Variants in CTCF observed in about 807,000 individuals in gnomAD.
The protein encoded by CTCF is CCCTC-binding factor.
CTCF carries 7 observed loss-of-function variants against 72.3 expected under a neutral mutation model. The observed-to-expected ratio is 0.10, with a 90% CI of 0.06 to 0.18. The LOEUF (loss-of-function observed/expected upper bound fraction) is 0.18, where lower values mean the gene tolerates loss of function less well. CTCF is among the 10% of genes least tolerant of loss of function. The pLI, the probability that CTCF is intolerant of heterozygous loss-of-function variation, is 1.00. For synonymous variants in CTCF, 374 were observed against 315.8 expected (o/e 1.18, Z -1.95); for missense variants, 516 against 949.1 (o/e 0.54, Z 6.00).
At chr16:67,575,092 C>T (rs985121834) in intron 2 of CTCF, among the ~76,000 whole-genome samples, 1 of 152,030 alleles carries the variant, frequency 6.6e-6, no homozygotes, top group Non-Finnish European at 1.5e-5. Context: ...AAAAGAATTA[C>T]ATTTTCTTTA....
chr16:67,619,242 C>A (rs551953753), intron 5 of CTCF, among the ~76,000 whole-genome samples: 46 of 152,234 alleles, frequency 3.0e-4, no homozygotes, highest in African/African-American at 1.1e-3. Flanking sequence ...TTGAGACCAG[C>A]CGGGCCAACG....
At position 67,611,264 on chromosome 16, in the gene CTCF, A is replaced by G. The variant is rs1463698053; in HGVS notation, c.432A>G (p.Lys144=). The G allele has an allele frequency of 6.2e-7, 1 of 1,614,192 alleles. No individual in the cohort carries two copies. The highest frequency in any genetic ancestry group is 8.5e-7 in the Non-Finnish European group (1 of 1,180,036). Residue 144 remains lysine (K), a synonymous_variant, in exon 3 of 12, where the codon AAA becomes AAG. Coordinates refer to ENST00000264010, the MANE Select transcript of CTCF (RefSeq NM_006565.4). ...GGGCTTATGAAAATGAAGTGTCTAA[A>G]GAGGGCCTTGCGGAAAGTGAACCCA... ...LQGAYENEVS[K]EGLAESEPMI...
intron 2 of CTCF, among the ~76,000 whole-genome samples, chr16:67,609,055 T>G (rs1750252800): frequency 6.6e-6 from 1 of 152,154 alleles, no homozygotes; most frequent in Admixed American, 6.5e-5. Flanking sequence ...GCTACCTTAA[T>G]AAAGCTTTTT....
At chr16:67,592,938 A>G (rs1432935085) in intron 2 of CTCF, among the ~76,000 whole-genome samples, 1 of 151,324 alleles carries the variant, frequency 6.6e-6, no homozygotes, top group Non-Finnish European at 1.5e-5. Flanking sequence ...GAGGCAGGAG[A>G]ATCGGTTGAA....
chr16:67,612,661 A>G (rs1348707519), intron 4 of CTCF, among the ~76,000 whole-genome samples: 1 of 151,928 alleles, frequency 6.6e-6, no homozygotes, highest in Non-Finnish European at 1.5e-5. Context: ...GGCCGGGTAC[A>G]GTGGCTCACG....
At position 67,605,380 on chromosome 16, in the gene CTCF, CATT is replaced by C. The variant is rs976429355; in HGVS notation, c.-9-5443_-9-5441del. Among the ~76,000 whole-genome samples, 8 of 152,212 alleles carry C rather than the reference CATT, an allele frequency of 5.3e-5. No individual in the cohort carries two copies. The East Asian group carries it at 1.5e-3, about 29-fold the overall frequency. On this transcript the variant is annotated intron_variant, in intron 2 of 11. Coordinates refer to ENST00000264010, the MANE Select transcript of CTCF (RefSeq NM_006565.4). ...CTTTGATCCCCACCTTCTGCGGTAA[CATT>C]TTTTTATATTTGTCCCCACTGTCAT...
At chr16:67,598,177 G>T (rs2051839705) in intron 2 of CTCF, among the ~76,000 whole-genome samples, 1 of 151,860 alleles carries the variant, frequency 6.6e-6, no homozygotes, top group South Asian at 2.1e-4. Context: ...GTGTCCTACT[G>T]TGTTGCCCAG....
At chr16:67,579,052 C>G (rs549671543) in intron 2 of CTCF, among the ~76,000 whole-genome samples, 11 of 151,948 alleles carry the variant, frequency 7.2e-5, no homozygotes, top group African/African-American at 2.2e-4. Context: ...GTCAGGAGTT[C>G]AAGACCAGCC....
intron 2 of CTCF, among the ~76,000 whole-genome samples, chr16:67,573,304 C>CTGT (rs2051449794): frequency 6.6e-6 from 1 of 151,770 alleles, no homozygotes; most frequent in Non-Finnish European, 1.5e-5. Context: ...TGGTGCGTGC[C>CTGT]TGTAATCCCA....
intron 2 of CTCF, among the ~76,000 whole-genome samples, chr16:67,609,568 T>C (rs2052029084): frequency 6.6e-6 from 1 of 152,172 alleles, no homozygotes; most frequent in African/African-American, 2.4e-5. Flanking sequence ...AAGACTCTTT[T>C]ATCTGTATCA....
Position 67,636,755 on chromosome 16 carries a change from G to A in CTCF, c.1903G>A (p.Glu635Lys). ...GGAGCCTGCCGTAGAAATTGAACCT[G>A]AGCCAGAGCCTCAGCCTGTGACCCC... is the stretch of plus-strand genomic sequence containing the variant. ...EEEPAVEIEP[E>K]PEPQPVTPAP... Residue 635 changes from glutamate (E) to lysine (K), a missense_variant, in exon 11 of 12, where the codon GAG becomes AAG. Physicochemically the swap from Glu to Lys is moderately conservative, Grantham distance 56. This residue lies in a region of CTCF where 157 missense variants were observed against 172.9 expected (regional missense o/e 0.91). Transcript: ENST00000264010. 1 of 1,608,380 alleles carries A rather than the reference G, an allele frequency of 6.2e-7. No homozygotes were observed. The highest frequency in any genetic ancestry group is 1.1e-5 in the South Asian group (1 of 89,674).
chr16:67,586,828 T>G (rs879846249), intron 2 of CTCF, among the ~76,000 whole-genome samples: 5 of 151,932 alleles, frequency 3.3e-5, no homozygotes, highest in Non-Finnish European at 7.4e-5. Context: ...GGGTCTCACT[T>G]TCTGGTCCAG....
rs1015494212 is a variant in CTCF at position 67,631,679 on chromosome 16, C to G, written c.1837+2146C>G. Among the ~76,000 whole-genome samples, 4 of 65,966 alleles carry G rather than the reference C, an allele frequency of 6.1e-5. 1 individual carries two copies. The highest frequency in any genetic ancestry group is 3.1e-4 in the African/African-American group (4 of 12,824). 43.3% of individuals were successfully genotyped at this position (65,966 alleles called of 152,430 possible). On this transcript the variant is annotated intron_variant, in intron 10 of 11. Coordinates refer to ENST00000264010, the MANE Select transcript of CTCF (RefSeq NM_006565.4). Reference sequence around the variant, plus strand: ...TTTGGATCTGTAACAAGGTCCCCCCCACCCCCCCCCCCTTTTTTTTTTCCT... The same window carrying G: ...TTTGGATCTGTAACAAGGTCCCCCCGACCCCCCCCCCCTTTTTTTTTTCCT...
chr16:67,566,334 T>C (rs1197780082), intron 1 of CTCF, among the ~76,000 whole-genome samples: 1 of 151,332 alleles, frequency 6.6e-6, no homozygotes, highest in Non-Finnish European at 1.5e-5. Context: ...TGAGACCCCA[T>C]CTTTACCAAA....
At chr16:67,608,311 G>A (rs528521556) in intron 2 of CTCF, among the ~76,000 whole-genome samples, 29 of 148,360 alleles carry the variant, frequency 2.0e-4, no homozygotes, top group Admixed American at 1.7e-3. Flanking sequence ...GCAACAGAGC[G>A]AGACTCCGTC....
chr16:67,621,011 T>C (rs2052192858), intron 6 of CTCF, 194 bp downstream of exon 6: 1 of 449,804 alleles, frequency 2.2e-6, no homozygotes. Flanking sequence ...ATAGTACCTT[T>C]TGTTTTGTTC....
intron 2 of CTCF, among the ~76,000 whole-genome samples, chr16:67,600,269 C>CA (rs1340574228): frequency 1.3e-5 from 2 of 151,864 alleles, no homozygotes; most frequent in African/African-American, 4.8e-5. Context: ...AACAGAGTCT[C>CA]ACTCTGTTGC....
intron 2 of CTCF, 59 bp downstream of exon 2, chr16:67,571,323 G>A (rs1191439256): frequency 6.6e-6 from 1 of 152,620 alleles, no homozygotes; most frequent in Non-Finnish European, 1.5e-5. Context: ...CCCTCCTGGA[G>A]TTGGAGGATT....
In CTCF at chr16:67,580,076, G is replaced by A. The variant is rs551715460; in HGVS notation, c.-10+8812G>A. Among the ~76,000 whole-genome samples the A allele has an allele frequency of 8.9e-4, 136 of 152,254 alleles. 1 individual carries two copies. The highest frequency in any genetic ancestry group is 1.6e-3 in the Non-Finnish European group (110 of 68,026). On this transcript the variant is annotated intron_variant, in intron 2 of 11. Coordinates refer to ENST00000264010, the MANE Select transcript of CTCF (RefSeq NM_006565.4). ...GTGGCCGCTGTGTGAAAAATGGTGG[G>A]TAATGGAGCAAGAGGGGAAGCAGGG... is the stretch of plus-strand genomic sequence containing the variant.
Sources: allele counts gnomAD v4.1 joint callset (sites outside exome capture counted in the v4.1 genomes callset), GRCh38; gene constraint gnomAD v4.1.1; regional missense constraint gnomAD v4.1.1; transcripts MANE v1.5; gene names NCBI Gene and HGNC (gene_info 2026-07-23, HGNC 2026-07-21).